The following PPP3CA variants were observed in gnomAD, a reference collection of about 807,000 sequenced individuals.
PPP3CA encodes protein phosphatase 3 catalytic subunit alpha.
In PPP3CA, 14 loss-of-function variants were observed where a neutral mutation model predicts 66.5. The ratio of observed to expected loss-of-function variants is 0.21; its 90% CI spans 0.14 to 0.33. The LOEUF (loss-of-function observed/expected upper bound fraction) is 0.33, where lower values mean the gene tolerates loss of function less well. Ranked by LOEUF, PPP3CA falls within the 10% of genes least tolerant of loss-of-function variation. PPP3CA has a pLI of 1.00. For missense variants in PPP3CA, 317 were observed against 639.5 expected (o/e 0.50, Z 5.44); for synonymous variants, 232 against 226.2 (o/e 1.03, Z -0.23).
At chr4:101,201,341 C>T (rs957525199) in intron 1 of PPP3CA, among the ~76,000 whole-genome samples, 2 of 152,304 alleles carry the variant, frequency 1.3e-5, no homozygotes, top group African/African-American at 2.4e-5. Context: ...TATTTCAAAA[C>T]TGGTTGCACA....
At chr4:101,309,307 G>A (rs533837801) in intron 1 of PPP3CA, among the ~76,000 whole-genome samples, 7 of 152,144 alleles carry the variant, frequency 4.6e-5, no homozygotes, top group Admixed American at 1.3e-4. Context: ...CAGTTACAAG[G>A]GGCTTTATTC....
At chr4:101,277,589 G>A (rs1177304230) in intron 1 of PPP3CA, among the ~76,000 whole-genome samples, 2 of 152,006 alleles carry the variant, frequency 1.3e-5, no homozygotes, top group African/African-American at 2.4e-5. Context: ...TTCAACTTAC[G>A]CATGCCTACA....
At chr4:101,081,059 C>A (rs982234457) in intron 7 of PPP3CA, among the ~76,000 whole-genome samples, 2 of 151,990 alleles carry the variant, frequency 1.3e-5, no homozygotes, top group African/African-American at 4.8e-5. Context: ...AATAACCAGG[C>A]CAATTATCTG....
chr4:101,267,501 C>T (rs772663099), intron 1 of PPP3CA, among the ~76,000 whole-genome samples: 40 of 152,060 alleles, frequency 2.6e-4, no homozygotes, highest in Non-Finnish European at 5.0e-4. Context: ...AACTGTGCTA[C>T]GACTCCTGCT....
At chr4:101,180,359 G>GGGTC (rs1197400834) in intron 2 of PPP3CA, among the ~76,000 whole-genome samples, 2 of 152,034 alleles carry the variant, frequency 1.3e-5, no homozygotes, top group Admixed American at 6.6e-5. Flanking sequence ...ACATAGCTAT[G>GGGTC]GGTCACTAGG....
intron 8 of PPP3CA, among the ~76,000 whole-genome samples, chr4:101,073,159 T>TCCTA (rs1191011181): frequency 1.3e-5 from 2 of 151,762 alleles, no homozygotes; most frequent in Non-Finnish European, 2.9e-5. Flanking sequence ...AATCAAAACT[T>TCCTA]CCTACCCTTG....
intron 1 of PPP3CA, among the ~76,000 whole-genome samples, chr4:101,225,432 C>T (rs28640942): frequency 0.031 from 4,763 of 151,770 alleles, 230 homozygotes; most frequent in African/African-American, 0.1. Context: ...TCTGGAACAA[C>T]AGTAATAAAT....
chr4:101,215,564 GA>G (rs1274419909), intron 1 of PPP3CA, among the ~76,000 whole-genome samples: 1 of 152,020 alleles, frequency 6.6e-6, no homozygotes, highest in Non-Finnish European at 1.5e-5. Context: ...TTGTTACAGT[GA>G]AAGCATTTTC....
chr4:101,323,944 C>G (rs1345901057), intron 1 of PPP3CA, among the ~76,000 whole-genome samples: 1 of 151,958 alleles, frequency 6.6e-6, no homozygotes, highest in Non-Finnish European at 1.5e-5. Flanking sequence ...GAAACCTGGT[C>G]TCTACTAACA....
At chr4:101,128,562 G>T (rs1722320687) in intron 2 of PPP3CA, among the ~76,000 whole-genome samples, 1 of 151,714 alleles carries the variant, frequency 6.6e-6, no homozygotes, top group African/African-American at 2.4e-5. Flanking sequence ...CATTTCACTG[G>T]GACTGGTTAC....
At chr4:101,305,807 G>C (rs932231448) in intron 1 of PPP3CA, among the ~76,000 whole-genome samples, 1 of 152,126 alleles carries the variant, frequency 6.6e-6, no homozygotes, top group African/African-American at 2.4e-5. Flanking sequence ...TGATAATGAA[G>C]TTTCAACCTT....
At chr4:101,330,036 T>C (rs547843291) in intron 1 of PPP3CA, among the ~76,000 whole-genome samples, 7 of 152,232 alleles carry the variant, frequency 4.6e-5, no homozygotes, top group East Asian at 1.9e-4. Flanking sequence ...CTGCCATACA[T>C]AGTGATTCCT....
At chr4:101,289,273 T>C (rs984763528) in intron 1 of PPP3CA, among the ~76,000 whole-genome samples, 3 of 152,244 alleles carry the variant, frequency 2.0e-5, no homozygotes, top group African/African-American at 4.8e-5. Context: ...GGTTTGCTTA[T>C]AGTTTTGTAT....
Position 101,093,831 on chromosome 4 carries a change from T to G in PPP3CA, c.727A>C (p.Lys243Gln). The change falls in exon 6 of 14, where the codon AAG becomes CAG. Residue 243 changes from lysine to glutamine, a missense_variant. Around this residue, in one of 3 missense-constraint regions of PPP3CA, gnomAD observed 201 missense variants for 501.4 expected, o/e 0.40. Transcript: ENST00000394854. Reference sequence around the variant, plus strand: ...TTGTGAGTGAAATGTTCCTGAGTCTTCTCATTTCCAAAATCTTCCAGGGGG... The same window carrying G: ...TTGTGAGTGAAATGTTCCTGAGTCTGCTCATTTCCAAAATCTTCCAGGGGG... ...SDPLEDFGNEKTQEHFTHNTV... is the reference protein window; with the variant it reads ...SDPLEDFGNEQTQEHFTHNTV... 6.2e-7 allele frequency: 1 copy of G among 1,613,262 alleles called. No homozygotes were observed. The highest frequency in any genetic ancestry group is 1.7e-5 in the Admixed American group (1 of 59,944).
intron 12 of PPP3CA, among the ~76,000 whole-genome samples, chr4:101,031,414 GTAA>G (rs761731445): frequency 2.0e-5 from 3 of 152,162 alleles, no homozygotes; most frequent in African/African-American, 4.8e-5. Flanking sequence ...TGTATTGTAT[GTAA>G]TAATAATAGT....
intron 1 of PPP3CA, among the ~76,000 whole-genome samples, chr4:101,346,058 G>A (rs1373930887): frequency 1.3e-5 from 2 of 151,992 alleles, no homozygotes; most frequent in Admixed American, 6.5e-5. Flanking sequence ...GTCGTTCCCC[G>A]CCTCCCGCGC....
In PPP3CA at chr4:101,152,869, AAAAAG is replaced by A. The variant is rs1489845381; in HGVS notation, c.259+43042_259+43046del. Among the ~76,000 whole-genome samples, 4 of 152,242 alleles carry A rather than the reference AAAAAG, an allele frequency of 2.6e-5. No homozygotes were observed. The East Asian group carries it at 7.7e-4, about 29-fold the overall frequency. The stretch of plus-strand genomic sequence containing the variant: ...ATCTAAGTGTACTAGTCTCACTAAA[AAAAAG>A]AAAAGGAAAAAAAACGCGAAAGCAT... On this transcript the variant is annotated intron_variant, in intron 2 of 13. Transcript: ENST00000394854.
intron 1 of PPP3CA, among the ~76,000 whole-genome samples, chr4:101,240,021 ATTTTTTTGGT>A (rs769695868): frequency 0.014 from 1,473 of 104,020 alleles, 18 homozygotes; most frequent in Non-Finnish European, 0.021. Flanking sequence ...CTAGTTTTTA[ATTTTTTTGGT>A]TTTTTTTTGG....
intron 2 of PPP3CA, among the ~76,000 whole-genome samples, chr4:101,127,286 C>T (rs191598562): frequency 6.6e-6 from 1 of 151,930 alleles, no homozygotes; most frequent in African/African-American, 2.4e-5. Context: ...TGCTCTACCC[C>T]CCACCAAAAA....
Sources: allele counts gnomAD v4.1 joint callset (sites outside exome capture counted in the v4.1 genomes callset), GRCh38; gene constraint gnomAD v4.1.1; regional missense constraint gnomAD v4.1.1; transcripts MANE v1.5; gene names NCBI Gene and HGNC (gene_info 2026-07-23, HGNC 2026-07-21).